Variants in SLC22A24 observed in about 807,000 individuals in gnomAD.
The protein encoded by SLC22A24 is solute carrier family 22 member 24.
Under a neutral mutation model 49.8 loss-of-function variants are expected in SLC22A24, and 53 were observed. The observed-to-expected ratio is 1.06, with a 90% CI of 0.85 to 1.34. SLC22A24 has a LOEUF of 1.34. Ranked by LOEUF, SLC22A24 falls within the 40% of genes most tolerant of loss-of-function variation. The probability of loss-of-function intolerance (pLI) is 0.00; values close to 1 mark genes in which losing one functional copy is unlikely to be tolerated. For missense variants in SLC22A24, 786 were observed against 675.9 expected (o/e 1.16, Z -1.81); for synonymous variants, 302 against 256.4 (o/e 1.18, Z -1.70).
Position 63,104,186 on chromosome 11 carries a change from G to C in SLC22A24, c.943C>G (p.Leu315Val), listed in dbSNP as rs1293733285. 1 of 1,549,856 alleles carries C rather than the reference G, an allele frequency of 6.5e-7. No homozygotes were observed. The highest frequency in any genetic ancestry group is 2.4e-5 in the East Asian group (1 of 40,896). ...INGKKNTEETLTTELVRSTMK... is the reference protein window; with the variant it reads ...INGKKNTEETVTTELVRSTMK... ...CCTTTCCAGATCACCTCAGTGGTCA[G>C]TGTCTCTTCAGTATTCTTTTTTCCA... The change falls in exon 5 of 10, where the codon CTG becomes GTG. Residue 315 changes from leucine (L) to valine (V), a missense_variant. Physicochemically the swap from Leu to Val is conservative, Grantham distance 32. Coordinates refer to ENST00000612278, the MANE Select transcript of SLC22A24 (RefSeq NM_001136506.2).
At chr11:63,129,668 A>G (rs1171899840) in intron 2 of SLC22A24, among the ~76,000 whole-genome samples, 1 of 152,106 alleles carries the variant, frequency 6.6e-6, no homozygotes, top group African/African-American at 2.4e-5. Context: ...AGTGGTTTGT[A>G]GTTTTCCTTG....
chr11:63,097,173 A>T (rs982551670), intron 5 of SLC22A24, among the ~76,000 whole-genome samples: 6 of 151,862 alleles, frequency 4.0e-5, no homozygotes, highest in African/African-American at 1.4e-4. Context: ...TCTATCATCT[A>T]TCCATCTGTC....
chr11:63,100,917 T>C (rs1296767848), intron 5 of SLC22A24, among the ~76,000 whole-genome samples: 2 of 152,124 alleles, frequency 1.3e-5, no homozygotes, highest in African/African-American at 4.8e-5. Context: ...AATGCTTACA[T>C]CTAAGATTGC....
At chr11:63,141,622 A>G (rs899099915) in intron 1 of SLC22A24, among the ~76,000 whole-genome samples, 1 of 151,772 alleles carries the variant, frequency 6.6e-6, no homozygotes, top group South Asian at 2.1e-4. Context: ...AGGCCCAGGA[A>G]CCCCAAGTTA....
chr11:63,093,737 A>G (rs1240822716), intron 6 of SLC22A24, among the ~76,000 whole-genome samples: 1 of 152,008 alleles, frequency 6.6e-6, no homozygotes, highest in East Asian at 1.9e-4. Context: ...AAAATAACTA[A>G]TGGGTATTAG....
chr11:63,128,860 G>C (rs1416064065), intron 2 of SLC22A24, among the ~76,000 whole-genome samples: 2 of 152,084 alleles, frequency 1.3e-5, no homozygotes, highest in Non-Finnish European at 2.9e-5. Flanking sequence ...TGGTGGTAGT[G>C]GTCCCCCAGG....
chr11:63,139,214 G>A (rs943516370), intron 1 of SLC22A24, among the ~76,000 whole-genome samples: 2 of 151,682 alleles, frequency 1.3e-5, no homozygotes, highest in African/African-American at 4.8e-5. Context: ...ATGCACACAC[G>A]AGGGGCCCTA....
At chr11:63,098,326 A>G (rs2134646876) in intron 5 of SLC22A24, among the ~76,000 whole-genome samples, 1 of 152,352 alleles carries the variant, frequency 6.6e-6, no homozygotes, top group Middle Eastern at 3.4e-3. Context: ...AGAAAGTGGT[A>G]CTAATTGCAA....
chr11:63,123,961 C>T (rs59794074), intron 2 of SLC22A24, among the ~76,000 whole-genome samples: 3,598 of 152,004 alleles, frequency 0.024, 122 homozygotes, highest in African/African-American at 0.08. Flanking sequence ...AAATAAAGAT[C>T]GAGAAATTTA....
rs142953825 is a variant in SLC22A24 at position 63,084,407 on chromosome 11, G to T, written c.1071-950C>A. Among the ~76,000 whole-genome samples the T allele has an allele frequency of 2.3e-3, 357 of 152,290 alleles. 2 individuals are homozygous for T. The highest frequency in any genetic ancestry group is 8.3e-3 in the African/African-American group (347 of 41,562). ...ATGGAATCATTTTAATCCCTCTGTG[G>T]AAAGAGGAAAGGAGAAAAGAGTGTT... On this transcript the variant is annotated intron_variant, in intron 6 of 9. Coordinates refer to ENST00000612278, the MANE Select transcript of SLC22A24 (RefSeq NM_001136506.2).
intron 4 of SLC22A24, among the ~76,000 whole-genome samples, chr11:63,110,388 G>A (rs530223800): frequency 1.3e-5 from 2 of 152,178 alleles, no homozygotes; most frequent in Non-Finnish European, 2.9e-5. Flanking sequence ...TGTGAAGAAA[G>A]TCATTGGTAG....
intron 6 of SLC22A24, among the ~76,000 whole-genome samples, chr11:63,093,030 G>A (rs1235929267): frequency 6.6e-6 from 1 of 152,062 alleles, no homozygotes; most frequent in Admixed American, 6.5e-5. Flanking sequence ...AGTGGGCAAA[G>A]GACATGAGCA....
At chr11:63,095,581 A>G (rs2087048927) in intron 6 of SLC22A24, among the ~76,000 whole-genome samples, 1 of 152,168 alleles carries the variant, frequency 6.6e-6, no homozygotes, top group African/African-American at 2.4e-5. Context: ...ATGAGAGATG[A>G]TTCAGGATGC....
intron 5 of SLC22A24, among the ~76,000 whole-genome samples, chr11:63,103,326 G>A (rs2087102256): frequency 6.6e-6 from 1 of 152,020 alleles, no homozygotes. Flanking sequence ...GACCTATTAA[G>A]GCTAAAGTGG....
chr11:63,104,398 A>G (rs1423967118), intron 4 of SLC22A24, 100 bp from the exon 5 acceptor site: 3 of 1,295,010 alleles, frequency 2.3e-6, no homozygotes, highest in Non-Finnish European at 2.1e-6. Context: ...TACAGACATT[A>G]TAAATTATAG....
At chr11:63,133,634 CT>C (rs202010148) in intron 2 of SLC22A24, among the ~76,000 whole-genome samples, 5 of 151,226 alleles carry the variant, frequency 3.3e-5, no homozygotes, top group Non-Finnish European at 7.4e-5. Flanking sequence ...ATCCTAGGTT[CT>C]TTTTTTTTCT....
At chr11:63,112,470 A>G (rs2134660140) in intron 4 of SLC22A24, among the ~76,000 whole-genome samples, 1 of 152,104 alleles carries the variant, frequency 6.6e-6, no homozygotes, top group African/African-American at 2.4e-5. Flanking sequence ...TCCCATTATT[A>G]TCGTGTGGGA....
At chr11:63,086,306 C>A (rs147837195) in intron 6 of SLC22A24, among the ~76,000 whole-genome samples, 1 of 152,128 alleles carries the variant, frequency 6.6e-6, no homozygotes, top group South Asian at 2.1e-4. Flanking sequence ...CAATGGTAGA[C>A]TGGATAAAGG....
intron 2 of SLC22A24, among the ~76,000 whole-genome samples, chr11:63,132,634 G>T (rs187755444): frequency 2.0e-5 from 3 of 152,284 alleles, no homozygotes; most frequent in East Asian, 3.9e-4. Context: ...AGCAAATATT[G>T]CAGAACAGCA....
Sources: allele counts gnomAD v4.1 joint callset (sites outside exome capture counted in the v4.1 genomes callset), GRCh38; gene constraint gnomAD v4.1.1; transcripts MANE v1.5; gene names NCBI Gene and HGNC (gene_info 2026-07-23, HGNC 2026-07-21).